The following SOBP variants were observed in gnomAD, a reference collection of about 807,000 sequenced individuals.
The protein encoded by SOBP is sine oculis binding protein homolog.
In SOBP, 4 loss-of-function variants were observed where a neutral mutation model predicts 53.6. The ratio of observed to expected loss-of-function variants is 0.07; its 90% CI spans 0.04 to 0.17. The LOEUF (loss-of-function observed/expected upper bound fraction) is 0.17. Ranked by LOEUF, SOBP falls within the 10% of genes least tolerant of loss-of-function variation. The probability of loss-of-function intolerance (pLI) is 1.00; values close to 1 mark genes in which losing one functional copy is unlikely to be tolerated. For synonymous variants in SOBP, 584 were observed against 522.6 expected, an observed-to-expected ratio of 1.12 and a Z score of -1.60; for missense variants, 1,088 against 1,204.7, an observed-to-expected ratio of 0.90 and a Z score of 1.43.
chr6:107,506,387 T>C lies in SOBP; in HGVS notation c.381T>C (p.Ile127=). 2 of 1,614,222 alleles carry C rather than the reference T, an allele frequency of 1.2e-6. No homozygotes were observed. Among genetic ancestry groups the C allele is most frequent in the East Asian group, 2.2e-5 (1 of 44,886 alleles). ...AGGATCATGGCAGTGTGCCCATTAT[T>C]GTACCTTTAATTCCACCACCTTTCA... ...GSKDHGSVPI[I]VPLIPPPFIK... Residue 127 remains isoleucine (I), a synonymous_variant, in exon 3 of 7, where the codon ATT becomes ATC. Coordinates refer to ENST00000317357, the MANE Select transcript of SOBP (RefSeq NM_018013.4).
chr6:107,646,089 C>T (rs1380408888), intron 6 of SOBP, among the ~76,000 whole-genome samples: 1 of 152,222 alleles, frequency 6.6e-6, no homozygotes, highest in Non-Finnish European at 1.5e-5. Flanking sequence ...TTGAGCAGCT[C>T]TTTGTAGACT....
Position 107,552,203 on chromosome 6 carries a change from G to A in SOBP, c.573+18593G>A, listed in dbSNP as rs373397026. ...CTCTGCAATTTCACCAAGTTAAACC[G>A]AGCTATGATCAGTTATGCTCAACTT... On this transcript the variant is annotated intron_variant, in intron 4 of 6. Transcript: ENST00000317357. 5.9e-5 allele frequency among the ~76,000 whole-genome samples: 9 copies of A among 152,282 alleles called. No homozygotes were observed. In the East Asian group the frequency reaches 9.6e-4, roughly 16 times the overall value.
chr6:107,581,100 G>A (rs961157300), intron 4 of SOBP, among the ~76,000 whole-genome samples: 1 of 152,208 alleles, frequency 6.6e-6, no homozygotes, highest in Non-Finnish European at 1.5e-5. Flanking sequence ...TGGTCAGAAC[G>A]CAGTTTCCAC....
chr6:107,551,936 G>A (rs765304281), intron 4 of SOBP, among the ~76,000 whole-genome samples: 9 of 152,072 alleles, frequency 5.9e-5, no homozygotes, highest in Admixed American at 2.0e-4. Context: ...CAGGAGAATC[G>A]CTTGAACCCA....
intron 1 of SOBP, among the ~76,000 whole-genome samples, chr6:107,499,885 AACT>A (rs920738565): frequency 2.2e-4 from 34 of 152,194 alleles, no homozygotes; most frequent in Non-Finnish European, 4.4e-4. Context: ...TCTGCATTTT[AACT>A]ACTATTACCT....
At chr6:107,636,749 G>C (rs903838052) in intron 6 of SOBP, among the ~76,000 whole-genome samples, 2 of 152,176 alleles carry the variant, frequency 1.3e-5, no homozygotes, top group East Asian at 1.9e-4. Context: ...GGAAGGAAGC[G>C]GGGGCCAGGA....
intron 5 of SOBP, among the ~76,000 whole-genome samples, chr6:107,619,832 C>T (rs1640609566): frequency 6.6e-6 from 1 of 152,030 alleles, no homozygotes; most frequent in South Asian, 2.1e-4. Flanking sequence ...TACGCCACAC[C>T]CATAGCAAGA....
intron 1 of SOBP, among the ~76,000 whole-genome samples, chr6:107,493,257 T>C (rs1782621188): frequency 6.6e-6 from 1 of 151,844 alleles, no homozygotes; most frequent in Non-Finnish European, 1.5e-5. Context: ...TGTGTTTGCC[T>C]TCATCTGAAC....
At chr6:107,522,495 A>C (rs574454470) in intron 3 of SOBP, among the ~76,000 whole-genome samples, 1 of 151,490 alleles carries the variant, frequency 6.6e-6, no homozygotes, top group African/African-American at 2.4e-5. Context: ...AGACTTGATA[A>C]ATATTCATCG....
At chr6:107,508,341 G>A (rs949045045) in intron 3 of SOBP, among the ~76,000 whole-genome samples, 1 of 152,168 alleles carries the variant, frequency 6.6e-6, no homozygotes, top group African/African-American at 2.4e-5. Context: ...CACTTTGGGA[G>A]GCCAAGGCGG....
intron 5 of SOBP, among the ~76,000 whole-genome samples, chr6:107,609,792 C>T (rs1263971124): frequency 6.6e-6 from 1 of 152,052 alleles, no homozygotes; most frequent in Admixed American, 6.6e-5. Context: ...ATCACTGGCC[C>T]TAGGGGAGCG....
intron 2 of SOBP, 132 bp from the exon 3 acceptor site, chr6:107,506,110 T>G: frequency 1.3e-6 from 1 of 775,126 alleles, no homozygotes; most frequent in South Asian, 1.6e-5. Context: ...GGAGTTCTAG[T>G]ACATTGTTTA....
At chr6:107,607,177 G>A (rs9398136) in intron 5 of SOBP, among the ~76,000 whole-genome samples, 26,008 of 152,076 alleles carry the variant, frequency 0.17, 2,535 homozygotes, top group East Asian at 0.3. Flanking sequence ...TCATGGAGAG[G>A]ACTTGGGGCT....
At chr6:107,499,382 G>A (rs1393023495) in intron 1 of SOBP, among the ~76,000 whole-genome samples, 1 of 152,156 alleles carries the variant, frequency 6.6e-6, no homozygotes, top group African/African-American at 2.4e-5. Context: ...AGGATCAGGA[G>A]AATTAAAAGA....
intron 4 of SOBP, among the ~76,000 whole-genome samples, chr6:107,554,023 A>G (rs1382592640): frequency 2.6e-5 from 4 of 152,198 alleles, no homozygotes; most frequent in Admixed American, 2.0e-4. Flanking sequence ...TGACATGTGC[A>G]GCCTAGAATG....
intron 6 of SOBP, among the ~76,000 whole-genome samples, chr6:107,657,810 C>T (rs1459679612): frequency 1.3e-5 from 2 of 151,036 alleles, no homozygotes; most frequent in Admixed American, 1.3e-4. Context: ...CACTGCACTC[C>T]AGCTTGGGCA....
At chr6:107,544,806 AATTCATTCATTC>A (rs66633887) in intron 4 of SOBP, among the ~76,000 whole-genome samples, 3 of 151,160 alleles carry the variant, frequency 2.0e-5, no homozygotes, top group African/African-American at 4.9e-5. Context: ...TTTGTTTGCA[AATTCATTCATTC>A]ATTCATTCAT....
chr6:107,652,509 C>T (rs1009645095), intron 6 of SOBP, among the ~76,000 whole-genome samples: 3 of 152,220 alleles, frequency 2.0e-5, no homozygotes, highest in Non-Finnish European at 2.9e-5. Context: ...ATAGAATCTG[C>T]TCCTGGTAAA....
intron 5 of SOBP, among the ~76,000 whole-genome samples, chr6:107,603,354 C>T (rs781355392): frequency 6.6e-6 from 1 of 152,220 alleles, no homozygotes; most frequent in Non-Finnish European, 1.5e-5. Flanking sequence ...CCTGGCACTC[C>T]TGGCCTGTCA....
Sources: gnomAD v4.1 joint callset for allele counts (sites outside exome capture counted in the v4.1 genomes callset) on GRCh38, gnomAD v4.1.1 for gene constraint, MANE v1.5 for transcripts, NCBI Gene and HGNC (gene_info 2026-07-23, HGNC 2026-07-21) for gene names.